YIPF1: variants seen among roughly 807,000 people sequenced by gnomAD.
YIPF1 encodes the protein Yip1 domain family member 1.
In YIPF1, 22 loss-of-function variants were observed where a neutral mutation model predicts 37.0. That is an observed-to-expected ratio of 0.59 (90% confidence interval 0.42 to 0.85). The LOEUF (loss-of-function observed/expected upper bound fraction) is 0.85. Among genes scored for constraint, YIPF1 ranks in the 40% least tolerant of loss-of-function variants. The pLI is 0.00. For missense variants in YIPF1, 355 were observed against 373.1 expected (o/e 0.95, Z 0.40); for synonymous variants, 128 against 131.9 (o/e 0.97, Z 0.21).
At chr1:53,868,287 G>A (rs1650085093) in intron 7 of YIPF1, among the ~76,000 whole-genome samples, 1 of 152,140 alleles carries the variant, frequency 6.6e-6, no homozygotes, top group Admixed American at 6.5e-5. Flanking sequence ...GCTTTATTGA[G>A]AGGCAATGTG....
chr1:53,863,284 T>C (rs1024094482), intron 9 of YIPF1, among the ~76,000 whole-genome samples: 1 of 152,194 alleles, frequency 6.6e-6, no homozygotes, highest in African/African-American at 2.4e-5. Context: ...AAGGGCATTG[T>C]CATTAAGAGT....
At chr1:53,867,062 T>C in intron 7 of YIPF1, 138 bp from the exon 8 acceptor site, 2 of 1,026,340 alleles carry the variant, frequency 1.9e-6, no homozygotes, top group Non-Finnish European at 1.4e-6. Flanking sequence ...CTTACTGGTC[T>C]GTAATCCCTG....
Position 53,860,284 on chromosome 1 carries a change from A to C in YIPF1, c.832-131T>G. On this transcript the variant is annotated intron_variant, in intron 9 of 10. Transcript: ENST00000072644. ...AGTTCTTCCTACCATATTTGCCATC[A>C]CACTAAACTACAACCATCTCTGTTT... 5 of 756,342 alleles carry C rather than the reference A, an allele frequency of 6.6e-6. No individual in the cohort carries two copies. In the South Asian group the frequency reaches 8.9e-5, roughly 13 times the overall value. 46.9% of individuals were successfully genotyped at this position (756,342 alleles called of 1,614,324 possible). A position where few individuals can be genotyped will look rare whatever the true frequency, so the allele number is the denominator to read the frequency against.
intron 6 of YIPF1, among the ~76,000 whole-genome samples, chr1:53,872,921 C>CA (rs1483910137): frequency 2.0e-5 from 3 of 151,120 alleles, no homozygotes; most frequent in East Asian, 3.9e-4. Flanking sequence ...ATAAGAGTGG[C>CA]AAAAAAAACC....
At chr1:53,864,690 C>T (rs1467597376) in intron 9 of YIPF1, among the ~76,000 whole-genome samples, 1 of 152,174 alleles carries the variant, frequency 6.6e-6, no homozygotes, top group Non-Finnish European at 1.5e-5. Context: ...TTATTAGGGA[C>T]CTTAACATTC....
Position 53,866,750 on chromosome 1 carries a change from G to A in YIPF1, c.648+8C>T, listed in dbSNP as rs1476689814. The A allele has an allele frequency of 1.9e-6, 3 of 1,609,970 alleles. No homozygotes were observed. The highest frequency in any genetic ancestry group is 1.7e-5 in the Admixed American group (1 of 59,674). ...ACTCAGAATCTACTCCCTAAGTATG[G>A]TACTTACTGCGGTGGGGATATAAAT... On this transcript the variant is annotated splice_region_variant and intron_variant, in intron 8 of 10. Coordinates refer to ENST00000072644, the MANE Select transcript of YIPF1 (RefSeq NM_018982.5).
chr1:53,870,160 CTTTTTTTTT>C lies in YIPF1; in HGVS notation c.481+1203_481+1211del, dbSNP rs753978320. Among the ~76,000 whole-genome samples the C allele has an allele frequency of 8.3e-4, 76 of 91,204 alleles. 2 individuals are homozygous for C. Among genetic ancestry groups the C allele is most frequent in the South Asian group, 1.5e-3 (4 of 2,666 alleles). The allele number at this position is 91,204 out of a possible 152,430, so 59.8% of individuals were successfully genotyped here. A position where few individuals can be genotyped will look rare whatever the true frequency, so the allele number is the denominator to read the frequency against. Reference sequence around the variant, plus strand: ...AGGCTTGAGCCACCGCACCGGGTCTCTTTTTTTTTTTTTTTTTTTTTTTTTTTTTGAGAC... The same window carrying C: ...AGGCTTGAGCCACCGCACCGGGTCTCTTTTTTTTTTTTTTTTTTTTGAGAC... On this transcript the variant is annotated intron_variant, in intron 7 of 10. Transcript: ENST00000072644.
At chr1:53,862,820 T>C (rs1049741852) in intron 9 of YIPF1, among the ~76,000 whole-genome samples, 1 of 152,190 alleles carries the variant, frequency 6.6e-6, no homozygotes, top group Non-Finnish European at 1.5e-5. Context: ...GATGTTGCCA[T>C]GGCATGCACG....
In YIPF1 at chr1:53,878,379, A is replaced by T; in HGVS notation, c.300T>A (p.Ser100=). Reference sequence around the variant, plus strand: ...AGTTTTTCCCGGGTATTGGCAAAAGAGATCCTTTAATTCTGTCAAAGACCT... The same window carrying T: ...AGTTTTTCCCGGGTATTGGCAAAAGTGATCCTTTAATTCTGTCAAAGACCT... ...TYQVFDRIKG[S]LLPIPGKNFV... is the part of the protein sequence containing the mutation. Residue 100 remains serine (S), a synonymous_variant, in exon 6 of 11, where the codon TCT becomes TCA. Transcript: ENST00000072644. The T allele has an allele frequency of 1.2e-6, 2 of 1,614,182 alleles. No homozygotes were observed. The highest frequency in any genetic ancestry group is 8.5e-7 in the Non-Finnish European group (1 of 1,180,016).
chr1:53,865,864 C>T (rs999995930), intron 9 of YIPF1, among the ~76,000 whole-genome samples: 3 of 152,078 alleles, frequency 2.0e-5, no homozygotes, highest in African/African-American at 7.2e-5. Context: ...CTCATTGCAA[C>T]CTCCACCTCC....
intron 9 of YIPF1, among the ~76,000 whole-genome samples, chr1:53,862,242 A>G (rs1649902507): frequency 6.6e-6 from 1 of 152,244 alleles, no homozygotes; most frequent in South Asian, 2.1e-4. Flanking sequence ...TCCCAAGGCT[A>G]GACAACTATG....
intron 3 of YIPF1, among the ~76,000 whole-genome samples, chr1:53,883,776 G>A (rs1650566769): frequency 6.6e-6 from 1 of 152,190 alleles, no homozygotes; most frequent in Non-Finnish European, 1.5e-5. Flanking sequence ...AGTGACTCAC[G>A]CCTGTAATCC....
chr1:53,867,607 G>C (rs1000588252), intron 7 of YIPF1, among the ~76,000 whole-genome samples: 1 of 151,758 alleles, frequency 6.6e-6, no homozygotes, highest in Non-Finnish European at 1.5e-5. Context: ...CTCGTGATCC[G>C]CCCGCCTCCG....
chr1:53,853,719 G>T (rs773811878), intron 10 of YIPF1, among the ~76,000 whole-genome samples: 2 of 152,186 alleles, frequency 1.3e-5, no homozygotes, highest in Non-Finnish European at 2.9e-5. Flanking sequence ...GTGAAAAGTG[G>T]CTGGAGAAAG....
At chr1:53,870,829 C>T (rs1650167531) in intron 7 of YIPF1, among the ~76,000 whole-genome samples, 1 of 151,670 alleles carries the variant, frequency 6.6e-6, no homozygotes, top group African/African-American at 2.4e-5. Context: ...CTGGGCAACA[C>T]AGGGAGACCT....
chr1:53,883,075 A>C (rs1175410042), intron 4 of YIPF1, 38 bp downstream of exon 4: 1 of 1,532,968 alleles, frequency 6.5e-7, no homozygotes, highest in East Asian at 2.4e-5. Context: ...ACAAGCTTTA[A>C]AAATTGTTTA....
At chr1:53,880,743 T>C (rs777036974) in intron 4 of YIPF1, among the ~76,000 whole-genome samples, 3 of 151,822 alleles carry the variant, frequency 2.0e-5, no homozygotes, top group Non-Finnish European at 4.4e-5. Context: ...AACAGAGAAC[T>C]CAGAAATAAG....
rs1039131951 is a variant in YIPF1 at position 53,877,529 on chromosome 1, C to T, written c.364+786G>A. ...CCTCAAACACAGGCCACTGTTGGGGCCTTTTCCTCAGGAGTACTGGGTGGA... is the reference window on the plus strand; with the variant it reads ...CCTCAAACACAGGCCACTGTTGGGGTCTTTTCCTCAGGAGTACTGGGTGGA... On this transcript the variant is annotated intron_variant, in intron 6 of 10. Coordinates refer to ENST00000072644, the MANE Select transcript of YIPF1 (RefSeq NM_018982.5). 1.3e-5 allele frequency among the ~76,000 whole-genome samples: 2 copies of T among 152,180 alleles called. 1 individual carries two copies. Among genetic ancestry groups the T allele is most frequent in the African/African-American group, 4.8e-5 (2 of 41,442 alleles).
rs753871978 is a variant in YIPF1, at chr1:53,860,064, T to A, written c.921A>T (p.Ter307TyrextTer1). The A allele has an allele frequency of 1.2e-6, 2 of 1,614,090 alleles. No individual in the cohort carries two copies. Among genetic ancestry groups the A allele is most frequent in the Admixed American group, 1.7e-5 (1 of 60,032 alleles). Residue 307 changes from the stop codon to tyrosine, a stop_lost, in exon 10 of 11, where the codon TAA (stop) becomes TAT (tyrosine). Transcript: ENST00000072644. ...NQTVAAAKSS[*>Y] is the part of the protein sequence containing the mutation. ...AAAATAGAATCTCTTACTTTCCTCA[T>A]TAGCTGGACTTGGCTGCAGCAACTG...
Sources: gnomAD v4.1 joint callset for allele counts (sites outside exome capture counted in the v4.1 genomes callset) on GRCh38, gnomAD v4.1.1 for gene constraint, MANE v1.5 for transcripts, NCBI Gene and HGNC (gene_info 2026-07-23, HGNC 2026-07-21) for gene names.